PITPNA: variants seen among roughly 807,000 people sequenced by gnomAD.
PITPNA encodes phosphatidylinositol transfer protein alpha.
Under a neutral mutation model 50.3 loss-of-function variants are expected in PITPNA, and 13 were observed. The observed-to-expected ratio is 0.26, with a 90% CI of 0.17 to 0.41. PITPNA has a LOEUF of 0.41. PITPNA is among the 10% of genes least tolerant of loss of function. The probability of loss-of-function intolerance (pLI) is 1.00; values close to 1 mark genes in which losing one functional copy is unlikely to be tolerated. For synonymous variants in PITPNA, 120 were observed against 119.6 expected, an observed-to-expected ratio of 1.00 and a Z score of -0.02; for missense variants, 207 against 333.4, an observed-to-expected ratio of 0.62 and a Z score of 2.95.
chr17:1,536,106 T>G (rs535655438), intron 7 of PITPNA, among the ~76,000 whole-genome samples: 2 of 152,150 alleles, frequency 1.3e-5, no homozygotes, highest in Non-Finnish European at 2.9e-5. Flanking sequence ...TTCACAGATT[T>G]ATAATGCAGT....
intron 10 of PITPNA, among the ~76,000 whole-genome samples, chr17:1,524,468 C>T (rs1185002980): frequency 6.6e-6 from 1 of 151,856 alleles, no homozygotes; most frequent in Non-Finnish European, 1.5e-5. Flanking sequence ...CCATGCTGCC[C>T]AGGCTGGTCT....
chr17:1,539,015 G>T, intron 6 of PITPNA, 63 bp from the exon 7 acceptor site: 2 of 1,049,180 alleles, frequency 1.9e-6, no homozygotes, highest in Non-Finnish European at 3.0e-6. Context: ...CCTTTAGCCA[G>T]AATGGACACC....
At position 1,519,637 on chromosome 17, in the gene PITPNA, A is replaced by G. The variant is rs2075496742; in HGVS notation, c.*924T>C. 6.5e-6 allele frequency: 1 copy of G among 152,708 alleles called. No homozygotes were observed. The highest frequency in any genetic ancestry group is 6.5e-5 in the Admixed American group (1 of 15,284). 9.5% of individuals were successfully genotyped at this position (152,708 alleles called of 1,614,324 possible). A position where few individuals can be genotyped will look rare whatever the true frequency, so the allele number is the denominator to read the frequency against. Reference sequence around the variant, plus strand: ...CCTCAAAGACAGAGGACAGGGACCTAAGAAAGCACAGAGAAAAGAGGATTA... The same window carrying G: ...CCTCAAAGACAGAGGACAGGGACCTGAGAAAGCACAGAGAAAAGAGGATTA... On this transcript the variant is annotated 3_prime_UTR_variant, in exon 12 of 12. Coordinates refer to ENST00000313486, the MANE Select transcript of PITPNA (RefSeq NM_006224.4).
rs571366664 is a variant in PITPNA, at chr17:1,526,220, C to T, written c.769-4575G>A. Among the ~76,000 whole-genome samples, 25 of 152,380 alleles carry T rather than the reference C, an allele frequency of 1.6e-4. 1 individual carries two copies. The South Asian group carries it at 4.1e-3, about 25-fold the overall frequency. ...CAAGTACACACAGGTGGGGTCTAAT[C>T]ATGCAGAAACATCAACGAATCCACA... On this transcript the variant is annotated intron_variant, in intron 10 of 11. Transcript: ENST00000313486.
chr17:1,528,202 A>G (rs997070114), intron 10 of PITPNA, among the ~76,000 whole-genome samples: 3 of 152,158 alleles, frequency 2.0e-5, no homozygotes, highest in African/African-American at 7.2e-5. Context: ...GTGCAGCAGC[A>G]TGATCTCGGC....
At chr17:1,524,709 C>T (rs1176173356) in intron 10 of PITPNA, among the ~76,000 whole-genome samples, 1 of 151,854 alleles carries the variant, frequency 6.6e-6, no homozygotes, top group Non-Finnish European at 1.5e-5. Flanking sequence ...ATTATCTGGG[C>T]ATTGTGGCAG....
intron 10 of PITPNA, among the ~76,000 whole-genome samples, chr17:1,530,046 G>A (rs770776784): frequency 3.9e-5 from 6 of 152,116 alleles, no homozygotes; most frequent in Non-Finnish European, 5.9e-5. Context: ...GTTACAGGTT[G>A]CCATGAAAAC....
chr17:1,540,273 C>T (rs765573194), intron 6 of PITPNA, among the ~76,000 whole-genome samples: 6 of 152,126 alleles, frequency 3.9e-5, no homozygotes, highest in Non-Finnish European at 5.9e-5. Context: ...GCACATAATA[C>T]AAAATTATGA....
chr17:1,562,580 G>A lies in PITPNA; in HGVS notation c.-20C>T, dbSNP rs757127228. 3.0e-5 allele frequency: 39 copies of A among 1,296,268 alleles called. No individual in the cohort carries two copies. In the African/African-American group the frequency reaches 3.7e-4, roughly 12 times the overall value. The allele number at this position is 1,296,268 out of a possible 1,614,324, so 80.3% of individuals were successfully genotyped here. A position where few individuals can be genotyped will look rare whatever the true frequency, so the allele number is the denominator to read the frequency against. On this transcript the variant is annotated 5_prime_UTR_variant, in exon 1 of 12. Coordinates refer to ENST00000313486, the MANE Select transcript of PITPNA (RefSeq NM_006224.4). This position sits in a 1 kb window ranked among gnomAD's most constrained non-coding sequence, Gnocchi z 6.4. ...CACCATGTCGCTTCGCGGCTCGGTG[G>A]CTGCCCGCGGCCCGCCCGGCCTCCC...
Position 1,554,390 on chromosome 17 carries a change from ATTTTTTT to A in PITPNA, c.52-1248_52-1242del, listed in dbSNP as rs61238602. On this transcript the variant is annotated intron_variant, in intron 2 of 11. Coordinates refer to ENST00000313486, the MANE Select transcript of PITPNA (RefSeq NM_006224.4). The stretch of plus-strand genomic sequence containing the variant: ...GGGGGGAAGACAAGGGTGTTTCTCT[ATTTTTTT>A]TTTTTTTTTTTTTTTTTTTTAGACA... Among the ~76,000 whole-genome samples, 606 of 66,088 alleles carry A rather than the reference ATTTTTTT, an allele frequency of 9.2e-3. 5 individuals carry two copies. Among genetic ancestry groups the A allele is most frequent in the African/African-American group, 0.032 (556 of 17,650 alleles). 43.4% of individuals were successfully genotyped at this position (66,088 alleles called of 152,430 possible). A position where few individuals can be genotyped will look rare whatever the true frequency, so the allele number is the denominator to read the frequency against.
chr17:1,534,340 G>A, intron 9 of PITPNA, 119 bp from the exon 10 acceptor site: 2 of 1,241,384 alleles, frequency 1.6e-6, no homozygotes, highest in East Asian at 4.9e-5. Context: ...GACAGGAGGA[G>A]GAGTAATGCC....
intron 2 of PITPNA, among the ~76,000 whole-genome samples, chr17:1,557,269 G>T (rs552339862): frequency 9.9e-5 from 15 of 152,242 alleles, no homozygotes; most frequent in African/African-American, 3.1e-4. Flanking sequence ...GCCAGTGTCT[G>T]CCCACCCCTC....
intron 10 of PITPNA, among the ~76,000 whole-genome samples, chr17:1,524,327 A>G (rs1233114625): frequency 1.4e-5 from 2 of 142,564 alleles, no homozygotes; most frequent in African/African-American, 2.6e-5. Flanking sequence ...TACAGGCGTG[A>G]GCCATCGCAC....
chr17:1,556,724 A>C (rs1019078408), intron 2 of PITPNA, among the ~76,000 whole-genome samples: 1 of 152,118 alleles, frequency 6.6e-6, no homozygotes. Context: ...ACACCTCCCC[A>C]AGAGCTGAGT....
intron 10 of PITPNA, among the ~76,000 whole-genome samples, chr17:1,525,967 T>A (rs2075545340): frequency 6.6e-6 from 1 of 152,174 alleles, no homozygotes. Flanking sequence ...GGAGCTGCAA[T>A]ACCCTAGTGG....
Position 1,520,284 on chromosome 17 carries a change from T to A in PITPNA, c.*277A>T, listed in dbSNP as rs535423370. On this transcript the variant is annotated 3_prime_UTR_variant, in exon 12 of 12. Transcript: ENST00000313486. ...CACACAGAAATGGATCGGAACACAA[T>A]GGAGAGAGACGGAGGCGCTGTAACT... The A allele has an allele frequency of 6.6e-6, 1 of 151,866 alleles. No homozygotes were observed. The allele number at this position is 151,866 out of a possible 1,614,324, so 9.4% of individuals were successfully genotyped here.
intron 6 of PITPNA, among the ~76,000 whole-genome samples, chr17:1,539,815 C>T (rs1307752712): frequency 1.3e-5 from 2 of 152,284 alleles, no homozygotes; most frequent in Non-Finnish European, 2.9e-5. Context: ...CGGCTCACTG[C>T]AAACTCTGCC....
chr17:1,523,428 G>A (rs1449011926), intron 10 of PITPNA, among the ~76,000 whole-genome samples: 2 of 151,526 alleles, frequency 1.3e-5, no homozygotes, highest in Non-Finnish European at 2.9e-5. Context: ...CTACAGCCTC[G>A]ACTCCCTGGC....
At position 1,520,160 on chromosome 17, in the gene PITPNA, G is replaced by A. The variant is rs1009884195; in HGVS notation, c.*401C>T. ...GCAAAATACCTCAGTTTACCCCAAG[G>A]TTGAGAACAAATGAACTTAAATCAT... On this transcript the variant is annotated 3_prime_UTR_variant, in exon 12 of 12. Coordinates refer to ENST00000313486, the MANE Select transcript of PITPNA (RefSeq NM_006224.4). 6.6e-6 allele frequency: 1 copy of A among 152,220 alleles called. No homozygotes were observed. Among genetic ancestry groups the A allele is most frequent in the African/African-American group, 2.4e-5 (1 of 41,454 alleles). 9.4% of individuals were successfully genotyped at this position (152,220 alleles called of 1,614,324 possible).
Sources: gnomAD v4.1 joint callset for allele counts (sites outside exome capture counted in the v4.1 genomes callset) on GRCh38, gnomAD v4.1.1 for gene constraint, Gnocchi (gnomAD v3.1) non-coding constraint, MANE v1.5 for transcripts, NCBI Gene and HGNC (gene_info 2026-07-23, HGNC 2026-07-21) for gene names.